Variants in BAZ2B observed in about 807,000 individuals in gnomAD.
The protein encoded by BAZ2B is bromodomain adjacent to zinc finger domain 2B, also known as bromodomain adjacent to zinc finger domain protein 2B.
In BAZ2B, 91 loss-of-function variants were observed where a neutral mutation model predicts 246.0. That is an observed-to-expected ratio of 0.37 (90% CI 0.31 to 0.44). The LOEUF (loss-of-function observed/expected upper bound fraction) is 0.44, where lower values mean the gene tolerates loss of function less well. Among genes scored for constraint, BAZ2B ranks in the 20% least tolerant of loss-of-function variants. The probability of loss-of-function intolerance (pLI) is 1.00; values close to 1 mark genes in which losing one functional copy is unlikely to be tolerated. For synonymous variants in BAZ2B, 855 were observed against 860.0 expected (o/e 0.99, Z 0.10); for missense variants, 2,332 against 2,533.7 (o/e 0.92, Z 1.71).
In BAZ2B at chr2:159,350,060, C is replaced by T. The variant is rs1379141957; in HGVS notation, c.4511G>A (p.Gly1504Glu). 1.2e-6 allele frequency: 2 copies of T among 1,614,116 alleles called. No homozygotes were observed. Among genetic ancestry groups the T allele is most frequent in the Non-Finnish European group, 1.7e-6 (2 of 1,180,008 alleles). Reference sequence around the variant, plus strand: ...CTGAACGCTGCCCAGTGAATGTTTTCCACTGTTCTGATAAGACAACGTGCA... The same window carrying T: ...CTGAACGCTGCCCAGTGAATGTTTTTCACTGTTCTGATAAGACAACGTGCA... Reference protein sequence around the residue: ...NGCTLSYQNSGKHSLGSVQST... With the variant: ...NGCTLSYQNSEKHSLGSVQST... Residue 1504 changes from glycine (G) to glutamate (E), a missense_variant, in exon 28 of 37, where the codon GGA (glycine) becomes GAA (glutamate). Gly to Glu is a moderately conservative substitution (Grantham distance 98, BLOSUM62 -2). Coordinates refer to ENST00000392783, the MANE Select transcript of BAZ2B (RefSeq NM_013450.4).
At chr2:159,442,390 G>C (rs1472670348) in intron 6 of BAZ2B, among the ~76,000 whole-genome samples, 1 of 152,176 alleles carries the variant, frequency 6.6e-6, no homozygotes, top group Non-Finnish European at 1.5e-5. Flanking sequence ...TGAACTGGTG[G>C]AGGTCAGATC....
chr2:159,643,825 G>C, the BAZ2B span, among the ~76,000 whole-genome samples: 1 of 145,764 alleles, frequency 6.9e-6, no homozygotes, highest in African/African-American at 2.6e-5. Flanking sequence ...GCAGTGAGTG[G>C]AGAATGTGTC....
intron 2 of BAZ2B, among the ~76,000 whole-genome samples, chr2:159,503,668 C>G (rs546918431): frequency 2.0e-5 from 3 of 152,240 alleles, no homozygotes; most frequent in African/African-American, 7.2e-5. Context: ...CAACCTCCCC[C>G]TCCCGGGTTC....
chr2:159,651,925 C>T, the BAZ2B span, among the ~76,000 whole-genome samples: 1 of 152,090 alleles, frequency 6.6e-6, no homozygotes, highest in African/African-American at 2.4e-5. Context: ...GAATAGATCA[C>T]ATTTTATTTT....
intron 27 of BAZ2B, among the ~76,000 whole-genome samples, chr2:159,368,858 TAAAAAAA>T (rs58161936): frequency 5.7e-5 from 7 of 123,830 alleles, no homozygotes; most frequent in Admixed American, 8.8e-5. Context: ...CTGAAAGGCC[TAAAAAAA>T]AAAAAAAAAA....
chr2:159,669,355 TC>T, the BAZ2B span, among the ~76,000 whole-genome samples: 18 of 152,192 alleles, frequency 1.2e-4, no homozygotes, highest in Non-Finnish European at 1.6e-4. Context: ...TTATTGTCTA[TC>T]ACATGGTCTC....
intron 1 of BAZ2B, among the ~76,000 whole-genome samples, chr2:159,609,862 T>C (rs62171607): frequency 0.051 from 7,816 of 151,772 alleles, 311 homozygotes; most frequent in Middle Eastern, 0.12. Context: ...TGGTTTATAA[T>C]AGCTTGCAAA....
chr2:159,685,993 G>A, the BAZ2B span, among the ~76,000 whole-genome samples: 1 of 152,326 alleles, frequency 6.6e-6, no homozygotes, highest in East Asian at 1.9e-4. Context: ...TGGCCCTGGT[G>A]GCCCCCACCT....
the BAZ2B span, among the ~76,000 whole-genome samples, chr2:159,633,150 G>C: frequency 1.9e-5 from 2 of 103,280 alleles, no homozygotes; most frequent in Non-Finnish European, 4.1e-5. Flanking sequence ...TTCCCAGAAA[G>C]TCTTTTTTTT....
rs762110206 is a variant in BAZ2B at position 159,374,717 on chromosome 2, C to G, written c.4042G>C (p.Glu1348Gln). The change falls in exon 26 of 37, where the codon GAA becomes CAA. Residue 1348 changes from glutamate (E) to glutamine (Q), a missense_variant. Physicochemically the swap from Glu to Gln is conservative, Grantham distance 29 (BLOSUM62 2). Transcript: ENST00000392783. Reference protein sequence around the residue: ...GDQAASVEELEKQIEKLSKQQ... With the variant: ...GDQAASVEELQKQIEKLSKQQ... The stretch of plus-strand genomic sequence containing the variant: ...TTACTCAGTTTTTCAATCTGTTTTT[C>G]CAGCTCTTCAACACTTGCTGCTTGG... 1.2e-6 allele frequency: 2 copies of G among 1,612,992 alleles called. No individual in the cohort carries two copies.
intron 27 of BAZ2B, among the ~76,000 whole-genome samples, chr2:159,368,870 A>C (rs2060510572): frequency 6.6e-6 from 1 of 151,212 alleles, no homozygotes; most frequent in Admixed American, 6.6e-5. Flanking sequence ...AAAAAAAAAA[A>C]AAAAAAAAAA....
chr2:159,394,493 A>G (rs1243192039), intron 20 of BAZ2B, among the ~76,000 whole-genome samples: 1 of 152,164 alleles, frequency 6.6e-6, no homozygotes, highest in Admixed American at 6.6e-5. Flanking sequence ...AAGGTTAGGG[A>G]AAAAAAGACA....
intron 4 of BAZ2B, among the ~76,000 whole-genome samples, chr2:159,450,723 T>C (rs2074961951): frequency 6.7e-6 from 1 of 150,098 alleles, no homozygotes; most frequent in Non-Finnish European, 1.5e-5. Context: ...AAGAACAGCA[T>C]AGTAGCAACA....
At chr2:159,378,326 T>C (rs1040541713) in intron 25 of BAZ2B, among the ~76,000 whole-genome samples, 1 of 152,238 alleles carries the variant, frequency 6.6e-6, no homozygotes, top group African/African-American at 2.4e-5. Flanking sequence ...ATAAATTATT[T>C]CTGCAAGGAA....
the BAZ2B span, among the ~76,000 whole-genome samples, chr2:159,670,174 T>C: frequency 2.0e-5 from 3 of 152,188 alleles, no homozygotes; most frequent in Non-Finnish European, 4.4e-5. Flanking sequence ...TTTTACTGTG[T>C]TGGCCACGCT....
At chr2:159,550,071 C>G (rs993765378) in intron 2 of BAZ2B, among the ~76,000 whole-genome samples, 2 of 152,110 alleles carry the variant, frequency 1.3e-5, no homozygotes, top group African/African-American at 4.8e-5. Context: ...ATCTGCCCAC[C>G]TCTGCCTGAT....
intron 31 of BAZ2B, among the ~76,000 whole-genome samples, chr2:159,339,352 G>A (rs2066236170): frequency 6.6e-6 from 1 of 152,104 alleles, no homozygotes; most frequent in East Asian, 1.9e-4. Flanking sequence ...TGAGCAGATG[G>A]TAAGAGAACT....
chr2:159,659,647 A>G, the BAZ2B span, among the ~76,000 whole-genome samples: 129 of 152,304 alleles, frequency 8.5e-4, no homozygotes, highest in African/African-American at 3.0e-3. Context: ...TGGTAAAACT[A>G]CCATTCTTGT....
intron 27 of BAZ2B, among the ~76,000 whole-genome samples, chr2:159,356,711 A>C (rs927949373): frequency 6.6e-6 from 1 of 152,118 alleles, no homozygotes; most frequent in Non-Finnish European, 1.5e-5. Context: ...GTCGACAGAC[A>C]CCTCATATGG....
Sources: gnomAD v4.1 joint callset for allele counts (sites outside exome capture counted in the v4.1 genomes callset) on GRCh38, gnomAD v4.1.1 for gene constraint, MANE v1.5 for transcripts, NCBI Gene and HGNC (gene_info 2026-07-23, HGNC 2026-07-21) for gene names.